Variants in ALMS1 observed in about 807,000 individuals in gnomAD.
ALMS1 encodes the protein ALMS1 centrosome and basal body associated protein, also known as centrosome-associated protein ALMS1.
In ALMS1, 271 loss-of-function variants were observed where a neutral mutation model predicts 352.2. The ratio of observed to expected loss-of-function variants is 0.77; its 90% CI spans 0.70 to 0.85. ALMS1 has a LOEUF of 0.85. Ranked by LOEUF, ALMS1 falls within the 40% of genes least tolerant of loss-of-function variation. The pLI is 0.00. For synonymous variants in ALMS1, 1,865 were observed against 1,761.2 expected (o/e 1.06, Z -1.48); for missense variants, 5,445 against 4,870.7 (o/e 1.12, Z -3.51).
chr2:73,531,921 CATA>C (rs536378872), intron 11 of ALMS1, among the ~76,000 whole-genome samples: 93 of 152,348 alleles, frequency 6.1e-4, no homozygotes, highest in African/African-American at 1.7e-3. Flanking sequence ...GAACCACACT[CATA>C]ATCTAATCAC....
intron 16 of ALMS1, among the ~76,000 whole-genome samples, chr2:73,597,302 G>A (rs1675573146): frequency 6.6e-6 from 1 of 151,994 alleles, no homozygotes; most frequent in Non-Finnish European, 1.5e-5. Flanking sequence ...GGGTAACCTT[G>A]GTTATTAGTT....
In ALMS1 at chr2:73,400,563, G is replaced by C. The variant is rs1344934526; in HGVS notation, c.325-8059G>C. ...GGTAGCATTACCAGTGAACCTGTCT[G>C]GGTCTGGTGCTTTCTGTTTTAGAAG... On this transcript the variant is annotated intron_variant, in intron 1 of 22. Transcript: ENST00000613296. Among the ~76,000 whole-genome samples, 4 of 152,146 alleles carry C rather than the reference G, an allele frequency of 2.6e-5. No individual in the cohort carries two copies. In the East Asian group the frequency reaches 7.7e-4, roughly 29 times the overall value.
rs368261398 is a variant in ALMS1 at position 73,463,923 on chromosome 2, A to G, written c.7674+8628A>G. Among the ~76,000 whole-genome samples the G allele has an allele frequency of 2.2e-4, 33 of 152,318 alleles. 1 individual carries two copies. In the South Asian group the frequency reaches 2.9e-3, roughly 13 times the overall value. ...AGAAGTTGACTCTCTGAATAGACCAATAACAGGATCTGAAATTGAGGCAAT... is the reference window on the plus strand; with the variant it reads ...AGAAGTTGACTCTCTGAATAGACCAGTAACAGGATCTGAAATTGAGGCAAT... On this transcript the variant is annotated intron_variant, in intron 9 of 22. Transcript: ENST00000613296.
chr2:73,451,644 C>T lies in ALMS1; in HGVS notation c.5117C>T (p.Ser1706Leu), dbSNP rs1187000436. 1.9e-5 allele frequency: 30 copies of T among 1,613,936 alleles called. No individual in the cohort carries two copies. The Admixed American group carries it at 4.3e-4, about 23-fold the overall frequency. Residue 1706 changes from serine to leucine, a missense_variant, in exon 8 of 23, where the codon TCA becomes TTA. Transcript: ENST00000613296. ...GATGCCCAGAAGACTGAGACACCATCAGTATCCTCTAGTTTATACTCATAT... is the reference window on the plus strand; with the variant it reads ...GATGCCCAGAAGACTGAGACACCATTAGTATCCTCTAGTTTATACTCATAT... ...GPDAQKTETPSVSSSLYSYRE... is the reference protein window; with the variant it reads ...GPDAQKTETPLVSSSLYSYRE...
intron 6 of ALMS1, among the ~76,000 whole-genome samples, chr2:73,431,474 G>C (rs1227319319): frequency 6.6e-6 from 1 of 152,046 alleles, no homozygotes; most frequent in Admixed American, 6.5e-5. Flanking sequence ...TTTATGTGAG[G>C]GTGCACTGTG....
chr2:73,540,087 A>G (rs1471803533), intron 12 of ALMS1, among the ~76,000 whole-genome samples: 1 of 152,216 alleles, frequency 6.6e-6, no homozygotes, highest in Non-Finnish European at 1.5e-5. Context: ...ACCAAAGTTG[A>G]AATGAAGGAG....
At chr2:73,585,723 G>GGCCTTTTTT (rs1248479638) in intron 16 of ALMS1, among the ~76,000 whole-genome samples, 2 of 94,092 alleles carry the variant, frequency 2.1e-5, no homozygotes, top group Non-Finnish European at 4.2e-5. Context: ...TACACTTCTT[G>GGCCTTTTTT]GCCTTTTTTT....
intron 10 of ALMS1, among the ~76,000 whole-genome samples, chr2:73,500,084 A>G (rs977542575): frequency 4.6e-5 from 7 of 152,162 alleles, no homozygotes; most frequent in Non-Finnish European, 1.0e-4. Context: ...AGACTAAGAC[A>G]CCATTTGAGC....
intron 13 of ALMS1, among the ~76,000 whole-genome samples, chr2:73,556,330 A>G (rs1283051952): frequency 6.6e-6 from 1 of 152,270 alleles, no homozygotes. Flanking sequence ...ATTTTTAGCA[A>G]TCTCTATTGC....
chr2:73,543,506 A>T (rs1286744978), intron 12 of ALMS1, among the ~76,000 whole-genome samples: 1 of 152,226 alleles, frequency 6.6e-6, no homozygotes, highest in African/African-American at 2.4e-5. Context: ...AAAAGCCAAA[A>T]TTGACAAATG....
rs879605119 is a variant in ALMS1, at chr2:73,404,468, C to CT, written c.325-4141dup. Among the ~76,000 whole-genome samples, 953 of 139,822 alleles carry CT rather than the reference C, an allele frequency of 6.8e-3. 9 individuals are homozygous for CT. The highest frequency in any genetic ancestry group is 0.022 in the African/African-American group (861 of 38,366). The allele number at this position is 139,822 out of a possible 152,430, so 91.7% of individuals were successfully genotyped here. On this transcript the variant is annotated intron_variant, in intron 1 of 22. Coordinates refer to ENST00000613296, the MANE Select transcript of ALMS1 (RefSeq NM_001378454.1). ...TTTTCTTCTGTTTATAGTCTGTTGA[C>CT]TTTTTTTTTTTTTAAATAATGAAAG...
chr2:73,593,598 C>T (rs1252642902), intron 16 of ALMS1, among the ~76,000 whole-genome samples: 2 of 152,068 alleles, frequency 1.3e-5, no homozygotes, highest in African/African-American at 4.8e-5. Flanking sequence ...TTTTCCATGC[C>T]GTAAACTTTA....
At chr2:73,484,156 T>G (rs1672773581) in intron 9 of ALMS1, among the ~76,000 whole-genome samples, 1 of 151,820 alleles carries the variant, frequency 6.6e-6, no homozygotes, top group Non-Finnish European at 1.5e-5. Flanking sequence ...TTGATGCAGT[T>G]TCTTCCTAGT....
chr2:73,464,885 AC>A (rs1572947853), intron 9 of ALMS1, among the ~76,000 whole-genome samples: 2 of 152,198 alleles, frequency 1.3e-5, no homozygotes, highest in East Asian at 1.9e-4. Context: ...AATCCAACTT[AC>A]AAGGGATGGA....
intron 9 of ALMS1, among the ~76,000 whole-genome samples, chr2:73,468,892 C>T (rs534214033): frequency 9.1e-4 from 138 of 152,062 alleles, no homozygotes; most frequent in African/African-American, 3.2e-3. Flanking sequence ...TTCCAAACCA[C>T]GATGAGGATT....
intron 13 of ALMS1, among the ~76,000 whole-genome samples, chr2:73,552,490 G>C (rs1411868014): frequency 6.6e-6 from 1 of 151,812 alleles, no homozygotes; most frequent in Non-Finnish European, 1.5e-5. Context: ...TGGCAGGAAA[G>C]AAGTGAACTC....
chr2:73,531,775 C>T lies in ALMS1; in HGVS notation c.9782-3049C>T, dbSNP rs559252035. The stretch of plus-strand genomic sequence containing the variant: ...GGTTGGGGAGGCCTCAGGAAACTTA[C>T]AATCATGGCGGAAGGTGAAGGGGAA... On this transcript the variant is annotated intron_variant, in intron 11 of 22. Transcript: ENST00000613296. Among the ~76,000 whole-genome samples the T allele has an allele frequency of 4.6e-5, 7 of 152,308 alleles. No individual in the cohort carries two copies. The East Asian group carries it at 1.4e-3, about 29-fold the overall frequency.
intron 1 of ALMS1, among the ~76,000 whole-genome samples, chr2:73,403,662 A>G (rs1240222229): frequency 1.3e-5 from 2 of 152,172 alleles, no homozygotes; most frequent in African/African-American, 4.8e-5. Context: ...GTCTGTGAAC[A>G]TGGAATATCT....
At chr2:73,397,019 G>T (rs555597046) in intron 1 of ALMS1, among the ~76,000 whole-genome samples, 1 of 152,186 alleles carries the variant, frequency 6.6e-6, no homozygotes, top group South Asian at 2.1e-4. Context: ...ATTCAAAATG[G>T]TTATCCCCAA....
Sources: allele counts gnomAD v4.1 joint callset (sites outside exome capture counted in the v4.1 genomes callset), GRCh38; gene constraint gnomAD v4.1.1; transcripts MANE v1.5; gene names NCBI Gene and HGNC (gene_info 2026-07-23, HGNC 2026-07-21).